Variants in KDM5B observed in about 807,000 individuals in gnomAD.
KDM5B encodes lysine-specific demethylase 5B.
A neutral mutation model predicts 193.4 loss-of-function variants in KDM5B; 144 were observed. The observed-to-expected ratio is 0.74, with a 90% CI of 0.65 to 0.86. The LOEUF (loss-of-function observed/expected upper bound fraction) is 0.86. Among genes scored for constraint, KDM5B ranks in the 40% least tolerant of loss-of-function variants. The pLI, the probability that KDM5B is intolerant of heterozygous loss-of-function variation, is 0.00. For synonymous variants in KDM5B, 668 were observed against 682.6 expected (o/e 0.98, Z 0.33); for missense variants, 1,833 against 1,886.9 (o/e 0.97, Z 0.53).
At chr1:202,769,113 T>C (rs1194938505) in intron 4 of KDM5B, among the ~76,000 whole-genome samples, 1 of 149,368 alleles carries the variant, frequency 6.7e-6, no homozygotes, top group African/African-American at 2.5e-5. Context: ...CTTGGCTCAC[T>C]GCAAGCTCCA....
rs538051852 is a variant in KDM5B at position 202,733,827 on chromosome 1, G to A, written c.3483C>T (p.Leu1161=). ...GCGACAGCAATTTCCCTTCATTGGC[G>A]AGTCTGAGAGACTGCAAGGCTTCCA... is the stretch of plus-strand genomic sequence containing the variant. ...REMEALQSLR[L]ANEGKLLSPL... is the part of the protein sequence containing the mutation. The change falls in exon 23 of 27, where the codon CTC becomes CTT. Residue 1161 remains leucine, a synonymous_variant. Transcript: ENST00000367265. 31 of 1,613,936 alleles carry A rather than the reference G, an allele frequency of 1.9e-5. No homozygotes were observed. The highest frequency in any genetic ancestry group is 6.6e-5 in the South Asian group (6 of 91,068).
At chr1:202,792,218 A>G (rs750803562) in intron 1 of KDM5B, among the ~76,000 whole-genome samples, 1 of 147,924 alleles carries the variant, frequency 6.8e-6, no homozygotes, top group African/African-American at 2.5e-5. Context: ...TTTGTTTTCT[A>G]TATTTTGAGG....
At chr1:202,766,061 T>A (rs1320317167) in intron 5 of KDM5B, among the ~76,000 whole-genome samples, 1 of 152,224 alleles carries the variant, frequency 6.6e-6, no homozygotes, top group Non-Finnish European at 1.5e-5. Flanking sequence ...AATTTTTTTT[T>A]AATTAGCTAG....
intron 12 of KDM5B, among the ~76,000 whole-genome samples, chr1:202,751,859 T>A (rs547657513): frequency 1.3e-5 from 2 of 152,258 alleles, no homozygotes; most frequent in South Asian, 2.1e-4. Context: ...AATCTACTCT[T>A]AACAAATTGG....
intron 1 of KDM5B, among the ~76,000 whole-genome samples, chr1:202,784,051 T>A (rs1033841644): frequency 6.6e-6 from 1 of 152,140 alleles, no homozygotes; most frequent in East Asian, 1.9e-4. Flanking sequence ...CAGATTTAAC[T>A]GAGAGAAATG....
At chr1:202,797,075 A>G (rs1012090686) in intron 1 of KDM5B, 3 of 152,224 alleles carry the variant, frequency 2.0e-5, no homozygotes, top group African/African-American at 7.2e-5. Flanking sequence ...AAGAGACTCA[A>G]TCAGGACCAG....
At chr1:202,779,086 A>T (rs1657087613) in intron 1 of KDM5B, among the ~76,000 whole-genome samples, 2 of 152,192 alleles carry the variant, frequency 1.3e-5, no homozygotes, top group Admixed American at 1.3e-4. Context: ...GTAATTTTAC[A>T]TCCTTGTTTG....
At chr1:202,752,544 C>T (rs181545785) in intron 12 of KDM5B, among the ~76,000 whole-genome samples, 182 of 152,324 alleles carry the variant, frequency 1.2e-3, no homozygotes, top group Admixed American at 2.5e-3. Flanking sequence ...GTATAGTTGT[C>T]ACTTCATTTA....
Position 202,758,455 on chromosome 1 carries a change from G to T in KDM5B, c.1133C>A (p.Thr378Asn). The change falls in exon 9 of 27, where the codon ACC becomes AAC. Residue 378 changes from threonine to asparagine, a missense_variant. Thr to Asn is a moderately conservative substitution (Grantham distance 65, BLOSUM62 0). This residue lies in a region of KDM5B where 99 missense variants were observed against 162.4 expected (regional missense o/e 0.61). Coordinates refer to ENST00000367265, the MANE Select transcript of KDM5B (RefSeq NM_006618.5). ...FGFEQAARDY[T>N]LRTFGEMADA... ...TGCCATTTCCCCAAAAGTACGGAGG[G>T]TATAGTCCCTGGCTGCTTGTTCAAA... is the stretch of plus-strand genomic sequence containing the variant. 6.2e-7 allele frequency: 1 copy of T among 1,612,702 alleles called. No individual in the cohort carries two copies. Among genetic ancestry groups the T allele is most frequent in the South Asian group, 1.1e-5 (1 of 90,954 alleles).
chr1:202,799,292 C>T (rs755804460), intron 1 of KDM5B, among the ~76,000 whole-genome samples: 3 of 151,884 alleles, frequency 2.0e-5, no homozygotes, highest in Non-Finnish European at 4.4e-5. Context: ...ACTCTACCCA[C>T]CTATTTTTTA....
intron 18 of KDM5B, 112 bp from the exon 19 acceptor site, chr1:202,741,834 A>G: frequency 3.1e-6 from 2 of 644,702 alleles, no homozygotes; most frequent in Non-Finnish European, 5.3e-6. Context: ...AATTTTAGTA[A>G]TAATATAGGT....
chr1:202,746,494 A>G (rs1369898109), intron 14 of KDM5B, 171 bp from the exon 15 acceptor site: 1 of 513,712 alleles, frequency 1.9e-6, no homozygotes, highest in South Asian at 3.8e-5. Flanking sequence ...TAGCAAATAC[A>G]GGCAAGTTCA....
At chr1:202,764,245 T>C in intron 5 of KDM5B, 100 bp from the exon 6 acceptor site, 2 of 604,426 alleles carry the variant, frequency 3.3e-6, no homozygotes, top group Non-Finnish European at 5.6e-6. Context: ...ACCAATTGCC[T>C]CTATTAACAG....
chr1:202,776,969 ACG>A (rs765597748), intron 2 of KDM5B, 46 bp downstream of exon 2: 11 of 1,155,420 alleles, frequency 9.5e-6, no homozygotes, highest in Non-Finnish European at 1.4e-5. Context: ...AATTTCAAAG[ACG>A]GTCCCCCTGG....
rs537011514 is a variant in KDM5B, at chr1:202,739,227, A to G, written c.3084+1447T>C. Among the ~76,000 whole-genome samples the G allele has an allele frequency of 7.2e-5, 11 of 152,330 alleles. No homozygotes were observed. In the South Asian group the frequency reaches 8.3e-4, roughly 11 times the overall value. On this transcript the variant is annotated intron_variant, in intron 20 of 26. Transcript: ENST00000367265. The stretch of plus-strand genomic sequence containing the variant: ...GCTCTTTTGCTTCAATCTGCAGTCA[A>G]GTACTCAAGTTTGTTATGAAAGACT...
At chr1:202,797,770 A>T (rs1657908826) in intron 1 of KDM5B, among the ~76,000 whole-genome samples, 1 of 152,252 alleles carries the variant, frequency 6.6e-6, no homozygotes, top group Non-Finnish European at 1.5e-5. Flanking sequence ...CCTTCTTAAT[A>T]CAAATCTCAC....
intron 19 of KDM5B, 94 bp downstream of exon 19, chr1:202,741,272 AC>A: frequency 1.3e-6 from 1 of 797,788 alleles, no homozygotes; most frequent in Non-Finnish European, 1.9e-6. Flanking sequence ...AACCGCAGCT[AC>A]TGAGCACTTG....
rs551104659 is a variant in KDM5B, at chr1:202,801,395, G to A, written c.204+6707C>T. On this transcript the variant is annotated intron_variant, in intron 1 of 26. Transcript: ENST00000367265. Reference sequence around the variant, plus strand: ...TGAGTGTCTTAAATCATGGTGGGGGGTAGAGGACTTAAAAGAATGCATTCC... The same window carrying A: ...TGAGTGTCTTAAATCATGGTGGGGGATAGAGGACTTAAAAGAATGCATTCC... 6.6e-5 allele frequency among the ~76,000 whole-genome samples: 10 copies of A among 152,286 alleles called. No homozygotes were observed. In the East Asian group the frequency reaches 1.9e-3, roughly 29 times the overall value.
rs963608792 is a variant in KDM5B, at chr1:202,725,254, T to C, written c.*3782A>G. On this transcript the variant is annotated 3_prime_UTR_variant, in exon 27 of 27. Coordinates refer to ENST00000367265, the MANE Select transcript of KDM5B (RefSeq NM_006618.5). The stretch of plus-strand genomic sequence containing the variant: ...TTCCTATGTAAGCAATATTGAAACA[T>C]GAAAAACTTGTTCACATAAATTTGA... 9 of 152,238 alleles carry C rather than the reference T, an allele frequency of 5.9e-5. No homozygotes were observed. The highest frequency in any genetic ancestry group is 1.9e-4 in the African/African-American group (8 of 41,470). 9.4% of individuals were successfully genotyped at this position (152,238 alleles called of 1,614,324 possible). A position where few individuals can be genotyped will look rare whatever the true frequency, so the allele number is the denominator to read the frequency against.
Sources: gnomAD v4.1 joint callset for allele counts (sites outside exome capture counted in the v4.1 genomes callset) on GRCh38, gnomAD v4.1.1 for gene constraint, gnomAD v4.1.1 regional missense constraint, MANE v1.5 for transcripts, NCBI Gene and HGNC (gene_info 2026-07-23, HGNC 2026-07-21) for gene names.